The following SLC49A4 variants were observed in gnomAD, a reference collection of about 807,000 sequenced individuals.
The protein encoded by SLC49A4 is disrupted in renal cancer protein 2.
In SLC49A4, 36 loss-of-function variants were observed where a neutral mutation model predicts 50.6. That is an observed-to-expected ratio of 0.71 (90% confidence interval 0.55 to 0.94). The LOEUF is 0.94. Among genes scored for constraint, SLC49A4 ranks in the 40% least tolerant of loss-of-function variants. The pLI, the probability that SLC49A4 is intolerant of heterozygous loss-of-function variation, is 0.00. For synonymous variants in SLC49A4, 248 were observed against 241.2 expected, an observed-to-expected ratio of 1.03 and a Z score of -0.26; for missense variants, 503 against 605.7, an observed-to-expected ratio of 0.83 and a Z score of 1.78.
chr3:122,868,931 G>A (rs577883270), intron 7 of SLC49A4, among the ~76,000 whole-genome samples: 8 of 152,210 alleles, frequency 5.3e-5, no homozygotes, highest in East Asian at 1.9e-4. Flanking sequence ...CATATAATAG[G>A]CATTCTAACA....
intron 2 of SLC49A4, among the ~76,000 whole-genome samples, chr3:122,825,966 A>G (rs574605638): frequency 1.2e-3 from 182 of 152,352 alleles, no homozygotes; most frequent in African/African-American, 4.1e-3. Context: ...TGGAAAAAAG[A>G]AACTGCTTTT....
chr3:122,846,341 AAGG>A (rs899015054), intron 5 of SLC49A4, among the ~76,000 whole-genome samples: 9 of 152,194 alleles, frequency 5.9e-5, no homozygotes, highest in African/African-American at 2.2e-4. Context: ...GCATGGTAGA[AAGG>A]AGGAGAGAGA....
chr3:122,796,787 G>A (rs1443917846), intron 1 of SLC49A4, among the ~76,000 whole-genome samples: 1 of 152,328 alleles, frequency 6.6e-6, no homozygotes, highest in Admixed American at 6.5e-5. Flanking sequence ...GGAGGCTGGG[G>A]TGGGAGGATT....
At position 122,879,244 on chromosome 3, in the gene SLC49A4, A is replaced by G; in HGVS notation, c.1322-19A>G. 6.3e-7 allele frequency: 1 copy of G among 1,578,780 alleles called. No individual in the cohort carries two copies. The highest frequency in any genetic ancestry group is 8.7e-7 in the Non-Finnish European group (1 of 1,148,094). On this transcript the variant is annotated intron_variant, in intron 8 of 8. Coordinates refer to ENST00000261038, the MANE Select transcript of SLC49A4 (RefSeq NM_032839.3). Reference sequence around the variant, plus strand: ...GTGATACATGAATGTTTAAAACTGCATGTTTTTTTGTCTTACAGAGTTGTC... The same window carrying G: ...GTGATACATGAATGTTTAAAACTGCGTGTTTTTTTGTCTTACAGAGTTGTC...
intron 1 of SLC49A4, among the ~76,000 whole-genome samples, chr3:122,804,394 C>T (rs1936179567): frequency 6.6e-6 from 1 of 152,210 alleles, no homozygotes; most frequent in South Asian, 2.1e-4. Flanking sequence ...TACATTTCAA[C>T]GTGAGACCTG....
intron 2 of SLC49A4, among the ~76,000 whole-genome samples, chr3:122,815,800 G>T (rs1274276535): frequency 6.6e-6 from 1 of 152,172 alleles, no homozygotes; most frequent in Non-Finnish European, 1.5e-5. Flanking sequence ...ATTATTCCCA[G>T]TGACCACACC....
intron 5 of SLC49A4, among the ~76,000 whole-genome samples, chr3:122,855,299 A>G (rs575714858): frequency 2.3e-4 from 35 of 152,290 alleles, no homozygotes; most frequent in African/African-American, 7.9e-4. Flanking sequence ...GATTGCGAAG[A>G]CCATTTAAGA....
intron 2 of SLC49A4, among the ~76,000 whole-genome samples, chr3:122,826,252 C>T (rs1316412823): frequency 6.6e-6 from 1 of 152,072 alleles, no homozygotes; most frequent in Non-Finnish European, 1.5e-5. Flanking sequence ...TTTGTATTTC[C>T]ACCATTTGGC....
chr3:122,843,469 G>A lies in SLC49A4; in HGVS notation c.834-2294G>A, dbSNP rs909010791. On this transcript the variant is annotated intron_variant, in intron 4 of 8. Transcript: ENST00000261038. Reference sequence around the variant, plus strand: ...TAGACTCTTTTTAACATATAGTGCCGTTATTTTAACTAAAAACTTTTAAAT... The same window carrying A: ...TAGACTCTTTTTAACATATAGTGCCATTATTTTAACTAAAAACTTTTAAAT... 7.9e-5 allele frequency among the ~76,000 whole-genome samples: 12 copies of A among 152,072 alleles called. No individual in the cohort carries two copies. In the South Asian group the frequency reaches 1.0e-3, roughly 13 times the overall value.
At chr3:122,822,456 A>G (rs1339184954) in intron 2 of SLC49A4, among the ~76,000 whole-genome samples, 1 of 152,218 alleles carries the variant, frequency 6.6e-6, no homozygotes, top group East Asian at 1.9e-4. Context: ...TGTTTCTTCT[A>G]GAAATAGTCT....
chr3:122,876,822 C>T (rs756785965), intron 8 of SLC49A4, among the ~76,000 whole-genome samples: 1 of 152,124 alleles, frequency 6.6e-6, no homozygotes, highest in Non-Finnish European at 1.5e-5. Flanking sequence ...AGAGCCTCAC[C>T]ATTTGGTGCA....
intron 5 of SLC49A4, among the ~76,000 whole-genome samples, chr3:122,848,062 G>A (rs725405): frequency 0.05 from 7,671 of 152,318 alleles, 265 homozygotes; most frequent in Middle Eastern, 0.11. Flanking sequence ...GTTGCACGGT[G>A]TAGATAGAGA....
Position 122,872,442 on chromosome 3 carries a change from T to C in SLC49A4, c.1166T>C (p.Leu389Pro). Residue 389 changes from leucine to proline, a missense_variant, in exon 8 of 9, where the codon CTG (leucine) becomes CCG (proline). Coordinates refer to ENST00000261038, the MANE Select transcript of SLC49A4 (RefSeq NM_032839.3). ...ACATTGTATGCCTCCTGTATTCTCC[T>C]GGGAGTGTTCTTGAATAGCAGCGTG... Reference protein sequence around the residue: ...TVTLYASCILLGVFLNSSVPI... With the variant: ...TVTLYASCILPGVFLNSSVPI... 1 of 1,613,616 alleles carries C rather than the reference T, an allele frequency of 6.2e-7. No homozygotes were observed. The highest frequency in any genetic ancestry group is 2.2e-5 in the East Asian group (1 of 44,866).
chr3:122,848,963 C>T (rs35157546), intron 5 of SLC49A4, among the ~76,000 whole-genome samples: 1 of 152,294 alleles, frequency 6.6e-6, no homozygotes, highest in East Asian at 1.9e-4. Flanking sequence ...TCTTCATCCT[C>T]CCACCCTTCT....
intron 5 of SLC49A4, 142 bp downstream of exon 5, chr3:122,846,013 G>T (rs1936843281): frequency 4.5e-6 from 2 of 443,546 alleles, no homozygotes; most frequent in South Asian, 1.4e-4. Context: ...GATCTTTATG[G>T]AATAGGTAAA....
chr3:122,860,717 A>G (rs1022116841), intron 7 of SLC49A4, among the ~76,000 whole-genome samples: 1 of 152,246 alleles, frequency 6.6e-6, no homozygotes. Context: ...GACCTGAAAC[A>G]TTTTTAGTTG....
At chr3:122,851,638 G>A (rs72968352) in intron 5 of SLC49A4, among the ~76,000 whole-genome samples, 2,306 of 151,996 alleles carry the variant, frequency 0.015, 66 homozygotes, top group African/African-American at 0.053. Context: ...TTCTACTTGA[G>A]GTTTACACAA....
At chr3:122,819,785 G>A (rs1483762446) in intron 2 of SLC49A4, among the ~76,000 whole-genome samples, 5 of 150,100 alleles carry the variant, frequency 3.3e-5, no homozygotes, top group African/African-American at 1.2e-4. Context: ...CAGCACTTTT[G>A]CCATTTTCAA....
At position 122,880,536 on chromosome 3, in the gene SLC49A4, C is replaced by T. The variant is rs1454675445; in HGVS notation, c.*1158C>T. On this transcript the variant is annotated 3_prime_UTR_variant, in exon 9 of 9. Coordinates refer to ENST00000261038, the MANE Select transcript of SLC49A4 (RefSeq NM_032839.3). The stretch of plus-strand genomic sequence containing the variant: ...CTGCAGTGAGAATATGGTATCACCA[C>T]TATTCATATTTACATCATTCCCCTC... 1 of 152,176 alleles carries T rather than the reference C, an allele frequency of 6.6e-6. No individual in the cohort carries two copies. Among genetic ancestry groups the T allele is most frequent in the Non-Finnish European group, 1.5e-5 (1 of 68,036 alleles). The allele number at this position is 152,176 out of a possible 1,614,324, so 9.4% of individuals were successfully genotyped here. A position where few individuals can be genotyped will look rare whatever the true frequency, so the allele number is the denominator to read the frequency against.
Sources: gnomAD v4.1 joint callset for allele counts (sites outside exome capture counted in the v4.1 genomes callset) on GRCh38, gnomAD v4.1.1 for gene constraint, MANE v1.5 for transcripts, NCBI Gene and HGNC (gene_info 2026-07-23, HGNC 2026-07-21) for gene names.